The following WWOX variants were observed in gnomAD, a reference collection of about 807,000 sequenced individuals.
The protein encoded by WWOX is WW domain containing oxidoreductase.
Under a neutral mutation model 46.2 loss-of-function variants are expected in WWOX, and 69 were observed. That is an observed-to-expected ratio of 1.49 (90% CI 1.23 to 1.82). WWOX has a LOEUF of 1.82. Ranked by LOEUF, WWOX falls within the 40% of genes most tolerant of loss-of-function variation. The probability of loss-of-function intolerance (pLI) is 0.00; values close to 1 mark genes in which losing one functional copy is unlikely to be tolerated. For synonymous variants in WWOX, 359 were observed against 202.6 expected (o/e 1.77, Z -6.56); for missense variants, 919 against 542.6 (o/e 1.69, Z -6.89).
At chr16:78,823,628 C>G (rs2051566263) in intron 8 of WWOX, among the ~76,000 whole-genome samples, 1 of 152,116 alleles carries the variant, frequency 6.6e-6, no homozygotes, top group Non-Finnish European at 1.5e-5. Flanking sequence ...GACCCAGTCA[C>G]TGGTGTCAGG....
intron 8 of WWOX, among the ~76,000 whole-genome samples, chr16:78,910,619 A>G (rs964661710): frequency 1.3e-5 from 2 of 151,994 alleles, no homozygotes; most frequent in Admixed American, 6.6e-5. Flanking sequence ...TGGACTCACA[A>G]TTCCACATGG....
At chr16:78,847,423 A>G (rs574416677) in intron 8 of WWOX, among the ~76,000 whole-genome samples, 2 of 152,294 alleles carry the variant, frequency 1.3e-5, no homozygotes, top group East Asian at 1.9e-4. Flanking sequence ...TAAATTATAT[A>G]TATGTACACT....
At chr16:79,205,799 G>A (rs2051490259) in intron 8 of WWOX, 1 of 152,178 alleles carries the variant, frequency 6.6e-6, no homozygotes, top group Admixed American at 6.5e-5. Flanking sequence ...AGGAATCATT[G>A]GAGGAGAGGG....
chr16:78,569,883 C>A (rs956572561), intron 8 of WWOX, among the ~76,000 whole-genome samples: 1 of 152,194 alleles, frequency 6.6e-6, no homozygotes, highest in Non-Finnish European at 1.5e-5. Flanking sequence ...AGCTCATCAT[C>A]TTCCTTGATC....
chr16:78,973,565 G>C (rs2046513869), intron 8 of WWOX, among the ~76,000 whole-genome samples: 1 of 151,952 alleles, frequency 6.6e-6, no homozygotes, highest in Non-Finnish European at 1.5e-5. Context: ...TTTTTTGGGG[G>C]CAGGGGGCAC....
chr16:78,419,625 C>CAAAAA (rs60762734), intron 6 of WWOX, among the ~76,000 whole-genome samples: 7 of 44,682 alleles, frequency 1.6e-4, no homozygotes, highest in Non-Finnish European at 1.9e-4. Context: ...CAAAAAATAG[C>CAAAAA]AAAAAAAAAA....
At chr16:78,254,011 C>G (rs1249833360) in intron 5 of WWOX, among the ~76,000 whole-genome samples, 1 of 152,082 alleles carries the variant, frequency 6.6e-6, no homozygotes, top group African/African-American at 2.4e-5. Flanking sequence ...AGTGGCTTAG[C>G]TAGCATAACT....
At position 78,931,130 on chromosome 16, in the gene WWOX, C is replaced by T. The variant is rs764131335; in HGVS notation, c.1057-280478C>T. Among the ~76,000 whole-genome samples, 202 of 152,240 alleles carry T rather than the reference C, an allele frequency of 1.3e-3. 4 individuals carry two copies. The highest frequency in any genetic ancestry group is 1.8e-3 in the Admixed American group (27 of 15,296). On this transcript the variant is annotated intron_variant, in intron 8 of 8. Transcript: ENST00000566780. The stretch of plus-strand genomic sequence containing the variant: ...TTTTAGTGAAAGCAAAATAAAAGGT[C>T]CTATCATTGTCCTTAAGGAGCTTAC...
At chr16:78,647,652 G>A (rs1597391861) in intron 8 of WWOX, among the ~76,000 whole-genome samples, 1 of 152,138 alleles carries the variant, frequency 6.6e-6, no homozygotes, top group South Asian at 2.1e-4. Context: ...GTGCTGACAG[G>A]CACATCAACA....
intron 8 of WWOX, among the ~76,000 whole-genome samples, chr16:78,859,059 T>A (rs1489963620): frequency 2.7e-5 from 2 of 74,588 alleles, no homozygotes; most frequent in African/African-American, 5.2e-5. Flanking sequence ...TGTATATATA[T>A]ATATATATAT....
At chr16:78,736,784 A>T (rs1178201293) in intron 8 of WWOX, among the ~76,000 whole-genome samples, 10 of 151,948 alleles carry the variant, frequency 6.6e-5, no homozygotes, top group Admixed American at 6.6e-4. Flanking sequence ...ATTTTTAAAA[A>T]TTTTTTTAGA....
intron 8 of WWOX, among the ~76,000 whole-genome samples, chr16:78,922,271 A>T (rs998059272): frequency 1.3e-5 from 2 of 152,166 alleles, no homozygotes; most frequent in African/African-American, 4.8e-5. Context: ...ACATGGGTGT[A>T]GTTAGGCCCC....
At chr16:78,208,252 C>G (rs767182098) in intron 5 of WWOX, among the ~76,000 whole-genome samples, 48 of 152,164 alleles carry the variant, frequency 3.2e-4, no homozygotes, top group Non-Finnish European at 5.7e-4. Context: ...AAAAAGCTGT[C>G]TTTGATAACA....
At chr16:78,907,263 G>C (rs1021403245) in intron 8 of WWOX, among the ~76,000 whole-genome samples, 1 of 152,144 alleles carries the variant, frequency 6.6e-6, no homozygotes, top group Non-Finnish European at 1.5e-5. Context: ...AGTTGAATGG[G>C]GATGGGGCTA....
intron 5 of WWOX, among the ~76,000 whole-genome samples, chr16:78,190,331 A>C (rs2035845899): frequency 6.6e-6 from 1 of 152,194 alleles, no homozygotes; most frequent in Non-Finnish European, 1.5e-5. Flanking sequence ...GATGAGAGAG[A>C]GAGCAAAACA....
At chr16:78,959,713 C>G (rs1475463509) in intron 8 of WWOX, among the ~76,000 whole-genome samples, 1 of 152,168 alleles carries the variant, frequency 6.6e-6, no homozygotes, top group African/African-American at 2.4e-5. Flanking sequence ...CTGCAACTAC[C>G]ACATCAAAAG....
intron 8 of WWOX, among the ~76,000 whole-genome samples, chr16:79,029,287 C>A (rs1239719736): frequency 1.3e-5 from 2 of 152,174 alleles, no homozygotes; most frequent in Admixed American, 6.5e-5. Context: ...ATGTTTCTTA[C>A]ATCCTCAGCT....
chr16:79,035,943 A>C (rs992333028), intron 8 of WWOX, among the ~76,000 whole-genome samples: 6 of 152,228 alleles, frequency 3.9e-5, no homozygotes, highest in Non-Finnish European at 7.3e-5. Flanking sequence ...TCAAGATCTT[A>C]GAAGGCCATG....
At chr16:78,104,121 T>G (rs140323783) in intron 1 of WWOX, among the ~76,000 whole-genome samples, 1 of 152,004 alleles carries the variant, frequency 6.6e-6, no homozygotes, top group Admixed American at 6.6e-5. Context: ...GTGCCTCTTA[T>G]GAAGCTCAGG....
Sources: gnomAD v4.1 joint callset for allele counts (sites outside exome capture counted in the v4.1 genomes callset) on GRCh38, gnomAD v4.1.1 for gene constraint, MANE v1.5 for transcripts, NCBI Gene and HGNC (gene_info 2026-07-23, HGNC 2026-07-21) for gene names.